The following SART3 variants were observed in gnomAD, a reference collection of about 807,000 sequenced individuals.
The protein encoded by SART3 is spliceosome associated factor 3, U4/U6 recycling protein.
SART3 carries 44 observed loss-of-function variants against 122.3 expected under a neutral mutation model. The observed-to-expected ratio is 0.36, with a 90% confidence interval of 0.28 to 0.46. The LOEUF is 0.46. Ranked by LOEUF, SART3 falls within the 20% of genes least tolerant of loss-of-function variation. SART3 has a pLI of 1.00. For synonymous variants in SART3, 442 were observed against 454.0 expected (o/e 0.97, Z 0.34); for missense variants, 1,101 against 1,229.0 (o/e 0.90, Z 1.56).
intron 5 of SART3, 71 bp from the exon 6 acceptor site, chr12:108,543,223 A>G: frequency 6.3e-7 from 1 of 1,580,854 alleles, no homozygotes; most frequent in East Asian, 2.2e-5. Context: ...AGATTAAGCC[A>G]TGAGACTCAG....
chr12:108,531,283 T>C lies in SART3; in HGVS notation c.1670-3A>G, dbSNP rs1872667878. On this transcript the variant is annotated splice_region_variant and splice_polypyrimidine_tract_variant and intron_variant, in intron 13 of 18. Transcript: ENST00000546815. Reference sequence around the variant, plus strand: ...TATATCCCAATCTTCTAAAGAACCTTGAAAGAAAGAGAAGCAAAACTTTCA... The same window carrying C: ...TATATCCCAATCTTCTAAAGAACCTCGAAAGAAAGAGAAGCAAAACTTTCA... The C allele has an allele frequency of 6.2e-7, 1 of 1,612,718 alleles. No individual in the cohort carries two copies.
Position 108,528,770 on chromosome 12 carries a change from G to A in SART3, c.1915+1372C>T, listed in dbSNP as rs536191255. Among the ~76,000 whole-genome samples the A allele has an allele frequency of 1.4e-3, 209 of 152,294 alleles. 1 individual carries two copies. The highest frequency in any genetic ancestry group is 2.5e-3 in the Non-Finnish European group (168 of 68,022). ...AGTTGATTACATACCTACAGGGGCC[G>A]GGTGGAGTAACTGAGGATGCTGAGA... is the stretch of plus-strand genomic sequence containing the variant. On this transcript the variant is annotated intron_variant, in intron 15 of 18. Coordinates refer to ENST00000546815, the MANE Select transcript of SART3 (RefSeq NM_014706.4).
At position 108,537,525 on chromosome 12, in the gene SART3, G is replaced by A. The variant is rs761413642; in HGVS notation, c.1272C>T (p.Tyr424=). ...ATDYVEIWQA[Y]LDYLRRRVDF... ...CAACCCTTCTCCTCAGGTAATCAAG[G>A]TATGCCTGCCAAATCTCCACATAAT... Residue 424 remains tyrosine, a synonymous_variant, in exon 9 of 19, where the codon TAC becomes TAT. Transcript: ENST00000546815. The A allele has an allele frequency of 1.2e-6, 2 of 1,614,018 alleles. No homozygotes were observed. Among genetic ancestry groups the A allele is most frequent in the Admixed American group, 1.7e-5 (1 of 60,024 alleles).
At position 108,526,085 on chromosome 12, in the gene SART3, T is replaced by C; in HGVS notation, c.2370+14A>G. On this transcript the variant is annotated intron_variant, in intron 16 of 18. Coordinates refer to ENST00000546815, the MANE Select transcript of SART3 (RefSeq NM_014706.4). Reference sequence around the variant, plus strand: ...ACCACAGATGAAAGGCATTCTTTTTTTCCATAAACCTACCTTAAAATCGGG... The same window carrying C: ...ACCACAGATGAAAGGCATTCTTTTTCTCCATAAACCTACCTTAAAATCGGG... 6.2e-7 allele frequency: 1 copy of C among 1,609,076 alleles called. No homozygotes were observed. Among genetic ancestry groups the C allele is most frequent in the South Asian group, 1.1e-5 (1 of 90,972 alleles).
chr12:108,549,379 A>C, intron 1 of SART3, 165 bp from the exon 2 acceptor site: 1 of 665,766 alleles, frequency 1.5e-6, no homozygotes, highest in Non-Finnish European at 2.6e-6. Context: ...GTAGAAGACA[A>C]AACAATAAAA....
rs2029887437 is a variant in SART3, at chr12:108,549,068, G to A, written c.439+20C>T. 6.2e-7 allele frequency: 1 copy of A among 1,613,774 alleles called. No individual in the cohort carries two copies. Among genetic ancestry groups the A allele is most frequent in the African/African-American group, 1.3e-5 (1 of 74,902 alleles). ...AGCCTTGTTTCTGTTTCTAAAAGCA[G>A]CCTGACTGCTGAAGCTTACCTTCAG... On this transcript the variant is annotated intron_variant, in intron 2 of 18. Coordinates refer to ENST00000546815, the MANE Select transcript of SART3 (RefSeq NM_014706.4).
intron 1 of SART3, among the ~76,000 whole-genome samples, chr12:108,552,894 A>G (rs780241291): frequency 6.6e-6 from 1 of 152,160 alleles, no homozygotes; most frequent in Non-Finnish European, 1.5e-5. Flanking sequence ...AATGATCTTG[A>G]AAAAGAATAA....
In SART3 at chr12:108,533,833, T is replaced by G. The variant is rs73189224; in HGVS notation, c.1557-1499A>C. Reference sequence around the variant, plus strand: ...TTGTGGCATCAAGTAAAAGATAAAATAGACAAATGGGTATTACTGTAACAG... The same window carrying G: ...TTGTGGCATCAAGTAAAAGATAAAAGAGACAAATGGGTATTACTGTAACAG... On this transcript the variant is annotated intron_variant, in intron 12 of 18. Transcript: ENST00000546815. 5.7e-3 allele frequency among the ~76,000 whole-genome samples: 874 copies of G among 152,288 alleles called. 5 individuals are homozygous for G. The highest frequency in any genetic ancestry group is 0.01 in the Middle Eastern group (3 of 294).
chr12:108,549,025 C>A, intron 2 of SART3, 63 bp downstream of exon 2: 1 of 1,612,284 alleles, frequency 6.2e-7, no homozygotes, highest in African/African-American at 1.3e-5. Flanking sequence ...CCACTTTCAA[C>A]ATTGTAAAAA....
chr12:108,536,135 T>C (rs1464897011), intron 11 of SART3, among the ~76,000 whole-genome samples: 1 of 152,240 alleles, frequency 6.6e-6, no homozygotes, highest in Non-Finnish European at 1.5e-5. Context: ...ATAGAAGCCT[T>C]ACTAGCAAAG....
chr12:108,559,664 C>CAAA (rs35159668), intron 1 of SART3, among the ~76,000 whole-genome samples: 38 of 79,730 alleles, frequency 4.8e-4, no homozygotes, highest in African/African-American at 1.4e-3. Flanking sequence ...GACTCTGTCT[C>CAAA]AAAAAAAAAA....
chr12:108,557,825 T>G (rs1384560221), intron 1 of SART3, among the ~76,000 whole-genome samples: 1 of 152,160 alleles, frequency 6.6e-6, no homozygotes, highest in Non-Finnish European at 1.5e-5. Flanking sequence ...TGGAAAATAT[T>G]TGCTTTTGTT....
chr12:108,560,738 C>G, intron 1 of SART3, 105 bp downstream of exon 1: 2 of 1,049,436 alleles, frequency 1.9e-6, no homozygotes, highest in Non-Finnish European at 2.7e-6. Flanking sequence ...GGGTTTGCAG[C>G]CTTGGCGGCT....
intron 1 of SART3, chr12:108,560,615 A>C (rs2030475404): frequency 2.0e-6 from 1 of 494,960 alleles, no homozygotes; most frequent in Non-Finnish European, 3.5e-6. Context: ...ATGGGGATAG[A>C]TAACAGGGCT....
rs1872213683 is a variant in SART3 at position 108,523,368 on chromosome 12, G to A, written c.*89C>T. 6 of 1,381,596 alleles carry A rather than the reference G, an allele frequency of 4.3e-6. No homozygotes were observed. The Admixed American group carries it at 1.0e-4, about 23-fold the overall frequency. The allele number at this position is 1,381,596 out of a possible 1,614,324, so 85.6% of individuals were successfully genotyped here. On this transcript the variant is annotated 3_prime_UTR_variant, in exon 19 of 19. Coordinates refer to ENST00000546815, the MANE Select transcript of SART3 (RefSeq NM_014706.4). ...GTGGTTGCGAGCACGCAGCACACCA[G>A]GCCTGTCCATCCCCAGTGCACTGCT...
chr12:108,524,247 C>A, intron 18 of SART3, 69 bp downstream of exon 18: 2 of 1,273,808 alleles, frequency 1.6e-6, no homozygotes, highest in Admixed American at 1.7e-5. Context: ...CCGGGTTAAT[C>A]CCCCCGTGAT....
intron 1 of SART3, among the ~76,000 whole-genome samples, chr12:108,558,726 C>T (rs1445783774): frequency 6.6e-6 from 1 of 152,190 alleles, no homozygotes; most frequent in African/African-American, 2.4e-5. Context: ...AAATTAGCTT[C>T]AGCACACTTA....
chr12:108,537,323 A>T (rs1872955770), intron 9 of SART3, 165 bp downstream of exon 9: 1 of 644,414 alleles, frequency 1.6e-6, no homozygotes, highest in African/African-American at 1.8e-5. Flanking sequence ...CCACATCATG[A>T]CTTGTTAAAG....
In SART3 at chr12:108,539,049, T is replaced by A. The variant is rs767514921; in HGVS notation, c.947A>T (p.Tyr316Phe). The change falls in exon 7 of 19, where the codon TAT becomes TTT. Residue 316 changes from tyrosine (Y) to phenylalanine (F), a missense_variant. Tyr to Phe is a conservative substitution (Grantham distance 22). Coordinates refer to ENST00000546815, the MANE Select transcript of SART3 (RefSeq NM_014706.4). Reference protein sequence around the residue: ...EAPRLAEYQAYIDFEMKIGDP... With the variant: ...EAPRLAEYQAFIDFEMKIGDP... ...GCCAATTTTCATCTCAAAATCGATA[T>A]ATGCTTGATATTCTGCCAGCCTTGG... 4.3e-6 allele frequency: 7 copies of A among 1,614,204 alleles called. No homozygotes were observed. The South Asian group carries it at 5.5e-5, about 13-fold the overall frequency.
Sources: allele counts gnomAD v4.1 joint callset (sites outside exome capture counted in the v4.1 genomes callset), GRCh38; gene constraint gnomAD v4.1.1; transcripts MANE v1.5; gene names NCBI Gene and HGNC (gene_info 2026-07-23, HGNC 2026-07-21).